Variants in TRIM46 observed in about 807,000 individuals in gnomAD.
TRIM46 encodes the protein tripartite motif-containing protein 46.
A neutral mutation model predicts 69.7 loss-of-function variants in TRIM46; 17 were observed. The ratio of observed to expected loss-of-function variants is 0.24; its 90% CI spans 0.17 to 0.37. The LOEUF (loss-of-function observed/expected upper bound fraction) is 0.37, where lower values mean the gene tolerates loss of function less well. TRIM46 is among the 10% of genes least tolerant of loss of function. The pLI is 1.00. For missense variants in TRIM46, 675 were observed against 1,025.1 expected, an observed-to-expected ratio of 0.66 and a Z score of 4.66; for synonymous variants, 391 against 429.0, an observed-to-expected ratio of 0.91 and a Z score of 1.09.
intron 5 of TRIM46, 113 bp from the exon 6 acceptor site, chr1:155,177,889 C>T (rs1465006547): frequency 4.1e-6 from 6 of 1,447,614 alleles, no homozygotes; most frequent in Non-Finnish European, 4.6e-6. Context: ...AGGATTTCCC[C>T]AGATCCCTTG....
At chr1:155,179,412 A>G (rs1233867826) in intron 7 of TRIM46, among the ~76,000 whole-genome samples, 2 of 152,126 alleles carry the variant, frequency 1.3e-5, no homozygotes, top group African/African-American at 2.4e-5. Flanking sequence ...ACTAGCACAC[A>G]GGTGTCCTGA....
rs1665525096 is a variant in TRIM46, at chr1:155,175,043, T to C, written c.64-343T>C. ...GAATGGGCGGTGTCCTTGAGAAAAATGCCAGGGGCAAGCTGCCCAGAGATG... is the reference window on the plus strand; with the variant it reads ...GAATGGGCGGTGTCCTTGAGAAAAACGCCAGGGGCAAGCTGCCCAGAGATG... On this transcript the variant is annotated intron_variant, in intron 1 of 9. Transcript: ENST00000334634. The surrounding 1 kb of genome is among the most constrained non-coding windows in gnomAD (Gnocchi z 4.2). 7.4e-7 allele frequency: 1 copy of C among 1,356,596 alleles called. No homozygotes were observed. Among genetic ancestry groups the C allele is most frequent in the African/African-American group, 1.5e-5 (1 of 64,958 alleles). The allele number at this position is 1,356,596 out of a possible 1,614,324, so 84.0% of individuals were successfully genotyped here.
At position 155,184,558 on chromosome 1, in the gene TRIM46, A is replaced by G; in HGVS notation, c.*368A>G. The G allele has an allele frequency of 4.6e-6, 1 of 217,248 alleles. No individual in the cohort carries two copies. Among genetic ancestry groups the G allele is most frequent in the Non-Finnish European group, 9.2e-6 (1 of 108,712 alleles). The allele number at this position is 217,248 out of a possible 1,614,324, so 13.5% of individuals were successfully genotyped here. A position where few individuals can be genotyped will look rare whatever the true frequency, so the allele number is the denominator to read the frequency against. On this transcript the variant is annotated 3_prime_UTR_variant, in exon 10 of 10. Coordinates refer to ENST00000334634, the MANE Select transcript of TRIM46 (RefSeq NM_025058.5). The surrounding 1 kb of genome is among the most constrained non-coding windows in gnomAD (Gnocchi z 5.6). The stretch of plus-strand genomic sequence containing the variant: ...ACCTGGAACACTGGGCATGATCTCC[A>G]GCTCTGCCCTTGCCCTGCCAAGCTC...
chr1:155,183,572 CCT>C (rs1040559550), intron 9 of TRIM46, among the ~76,000 whole-genome samples: 1 of 152,140 alleles, frequency 6.6e-6, no homozygotes, highest in African/African-American at 2.4e-5. Flanking sequence ...TCCGCCTGCC[CCT>C]CTCTTGCCAA....
chr1:155,178,722 G>C, intron 7 of TRIM46, 109 bp downstream of exon 7: 2 of 1,534,154 alleles, frequency 1.3e-6, no homozygotes, highest in Non-Finnish European at 1.7e-6. Context: ...CTCCTGCCCG[G>C]CCTGGCCAGC....
At chr1:155,174,977 G>C in intron 1 of TRIM46, 2 of 1,385,658 alleles carry the variant, frequency 1.4e-6, no homozygotes, top group Non-Finnish European at 1.9e-6. Context: ...CGGCATGGGG[G>C]TGCTGCTAGA....
intron 9 of TRIM46, 98 bp from the exon 10 acceptor site, chr1:155,183,699 C>G: frequency 6.6e-7 from 1 of 1,505,802 alleles, no homozygotes; most frequent in Non-Finnish European, 9.0e-7. Context: ...CCTTCAACCT[C>G]TTGCTCCTTA....
Position 155,175,314 on chromosome 1 carries a change from A to G in TRIM46, c.64-72A>G. 1 of 1,593,142 alleles carries G rather than the reference A, an allele frequency of 6.3e-7. No homozygotes were observed. The highest frequency in any genetic ancestry group is 8.5e-7 in the Non-Finnish European group (1 of 1,174,036). ...CTTCCTCAGACCCCTAGGGTATCCA[A>G]GGGCAGCCAAGGGGCTGCTGAGGTA... On this transcript the variant is annotated intron_variant, in intron 1 of 9. Coordinates refer to ENST00000334634, the MANE Select transcript of TRIM46 (RefSeq NM_025058.5). This position sits in a 1 kb window ranked among gnomAD's most constrained non-coding sequence, Gnocchi z 4.2.
intron 5 of TRIM46, among the ~76,000 whole-genome samples, 162 bp downstream of exon 5, chr1:155,177,452 G>A (rs1399015571): frequency 2.0e-5 from 3 of 152,188 alleles, no homozygotes; most frequent in Non-Finnish European, 4.4e-5. Flanking sequence ...AGTGCCCCAG[G>A]CCAGGCTGTA....
Position 155,183,797 on chromosome 1 carries a change from G to A in TRIM46, c.1887G>A (p.Arg629=), listed in dbSNP as rs1393128956. 3 of 1,601,070 alleles carry A rather than the reference G, an allele frequency of 1.9e-6. No individual in the cohort carries two copies. The highest frequency in any genetic ancestry group is 2.5e-6 in the Non-Finnish European group (3 of 1,179,806). Residue 629 remains arginine, a splice_region_variant and synonymous_variant, in exon 10 of 10, where the codon AGG becomes AGA. Transcript: ENST00000334634. ...FQGAPDVISP[R]YDPDSGHDSG... is the part of the protein sequence containing the mutation. ...TCGTCCCCAACACCCGCTTCTGCAG[G>A]TACGACCCGGACAGCGGGCACGACA...
At chr1:155,174,468 C>G in intron 1 of TRIM46, 10 of 1,406,352 alleles carry the variant, frequency 7.1e-6, no homozygotes, top group Non-Finnish European at 9.3e-6. Context: ...ACCCCACGCA[C>G]CCCCACTCAG....
chr1:155,174,459 C>T (rs891417919), intron 1 of TRIM46: 5 of 1,395,416 alleles, frequency 3.6e-6, no homozygotes, highest in Non-Finnish European at 3.7e-6. Flanking sequence ...CAAGACCCCA[C>T]CCCACGCACC....
At chr1:155,180,411 A>T (rs954719533) in intron 8 of TRIM46, 1 of 369,232 alleles carries the variant, frequency 2.7e-6, no homozygotes, top group Admixed American at 4.4e-5. Context: ...CCTGGCCAAC[A>T]TGGTGAAACC....
intron 1 of TRIM46, chr1:155,174,536 G>A: frequency 1.4e-6 from 2 of 1,467,414 alleles, no homozygotes; most frequent in Non-Finnish European, 1.8e-6. Flanking sequence ...CCCAGGGGCG[G>A]TGCCAACCGT....
At position 155,181,825 on chromosome 1, in the gene TRIM46, C is replaced by G; in HGVS notation, c.1589-27C>G. ...AGTGTTTGTCCCTGAAGTTCTTGCT[C>G]CATCTCAACCCTCTCCCTCCTTCCA... On this transcript the variant is annotated intron_variant, in intron 8 of 9. Transcript: ENST00000334634. The surrounding 1 kb of genome is among the most constrained non-coding windows in gnomAD (Gnocchi z 4.3). 1 of 1,588,998 alleles carries G rather than the reference C, an allele frequency of 6.3e-7. No individual in the cohort carries two copies. The highest frequency in any genetic ancestry group is 8.6e-7 in the Non-Finnish European group (1 of 1,163,264).
chr1:155,174,060 G>A, intron 1 of TRIM46, 31 bp downstream of exon 1: 2 of 1,552,846 alleles, frequency 1.3e-6, no homozygotes, highest in South Asian at 2.4e-5. Flanking sequence ...GGGAAGGGGA[G>A]GGGGCGTATA....
chr1:155,175,184 A>T lies in TRIM46; in HGVS notation c.64-202A>T. ...CCAACCGTCCCTCCTCTGGGCCTTT[A>T]GCTCTGCAGCGGGGAAAGAGAAGCA... On this transcript the variant is annotated intron_variant, in intron 1 of 9. Coordinates refer to ENST00000334634, the MANE Select transcript of TRIM46 (RefSeq NM_025058.5). This position sits in a 1 kb window ranked among gnomAD's most constrained non-coding sequence, Gnocchi z 4.2. The T allele has an allele frequency of 7.0e-7, 1 of 1,436,648 alleles. No homozygotes were observed. Among genetic ancestry groups the T allele is most frequent in the Non-Finnish European group, 9.1e-7 (1 of 1,104,738 alleles). 89.0% of individuals were successfully genotyped at this position (1,436,648 alleles called of 1,614,324 possible). A position where few individuals can be genotyped will look rare whatever the true frequency, so the allele number is the denominator to read the frequency against.
intron 7 of TRIM46, 154 bp downstream of exon 7, chr1:155,178,767 C>T: frequency 6.6e-7 from 1 of 1,514,476 alleles, no homozygotes; most frequent in Non-Finnish European, 8.8e-7. Context: ...GCCACACCGT[C>T]CTACCGCGCT....
rs1357423312 is a variant in TRIM46, at chr1:155,181,690, C to G, written c.1589-162C>G. The stretch of plus-strand genomic sequence containing the variant: ...TGCCCCCTTCTTTTTTCCTCATGCC[C>G]CCCATTCCAGTTTCCCATGTCCTGT... On this transcript the variant is annotated intron_variant, in intron 8 of 9. Transcript: ENST00000334634. The surrounding 1 kb of genome is among the most constrained non-coding windows in gnomAD (Gnocchi z 4.3). Among the ~76,000 whole-genome samples the G allele has an allele frequency of 6.6e-6, 1 of 150,642 alleles. No individual in the cohort carries two copies. The highest frequency in any genetic ancestry group is 6.6e-5 in the Admixed American group (1 of 15,078).
Sources: gnomAD v4.1 joint callset for allele counts (sites outside exome capture counted in the v4.1 genomes callset) on GRCh38, gnomAD v4.1.1 for gene constraint, Gnocchi (gnomAD v3.1) non-coding constraint, MANE v1.5 for transcripts, NCBI Gene and HGNC (gene_info 2026-07-23, HGNC 2026-07-21) for gene names.